DAPP1: variants seen among roughly 807,000 people sequenced by gnomAD.
The protein encoded by DAPP1 is dual adapter for phosphotyrosine and 3-phosphotyrosine and 3-phosphoinositide.
Under a neutral mutation model 41.5 loss-of-function variants are expected in DAPP1, and 20 were observed. The observed-to-expected ratio is 0.48, with a 90% CI of 0.34 to 0.70. The LOEUF is 0.70. Among genes scored for constraint, DAPP1 ranks in the 30% least tolerant of loss-of-function variants. The pLI is 0.01. For synonymous variants in DAPP1, 113 were observed against 116.2 expected, an observed-to-expected ratio of 0.97 and a Z score of 0.18; for missense variants, 233 against 333.4, an observed-to-expected ratio of 0.70 and a Z score of 2.35.
In DAPP1 at chr4:99,817,000, G is replaced by A. The variant is rs1296302497; in HGVS notation, c.87G>A (p.Leu29=). 6.2e-7 allele frequency: 1 copy of A among 1,601,280 alleles called. No individual in the cohort carries two copies. ...GCAGATCCGATGGAGAGGCTGAGCTGCTCCAGGACTTGGGGTAAGGCAGCA... is the reference window on the plus strand; with the variant it reads ...GCAGATCCGATGGAGAGGCTGAGCTACTCCAGGACTTGGGGTAAGGCAGCA... ...LWSRSDGEAE[L]LQDLGWYHGN... Residue 29 remains leucine (L), a synonymous_variant, in exon 1 of 9, where the codon CTG becomes CTA. Coordinates refer to ENST00000512369, the MANE Select transcript of DAPP1 (RefSeq NM_014395.3).
At chr4:99,843,221 G>A (rs1723553999) in intron 3 of DAPP1, among the ~76,000 whole-genome samples, 1 of 152,162 alleles carries the variant, frequency 6.6e-6, no homozygotes. Flanking sequence ...TTACCTTTGA[G>A]GGCAACAGAA....
At chr4:99,833,450 T>C (rs920245187) in intron 1 of DAPP1, among the ~76,000 whole-genome samples, 4 of 152,210 alleles carry the variant, frequency 2.6e-5, no homozygotes, top group African/African-American at 9.6e-5. Context: ...TGGAGACCTA[T>C]GTAAAAACTT....
At chr4:99,817,338 T>C (rs1347789438) in intron 1 of DAPP1, among the ~76,000 whole-genome samples, 2 of 152,168 alleles carry the variant, frequency 1.3e-5, no homozygotes, top group Non-Finnish European at 2.9e-5. Context: ...TTCCTTGATG[T>C]TGCTCTGGTT....
intron 3 of DAPP1, among the ~76,000 whole-genome samples, chr4:99,851,327 A>G (rs944254475): frequency 1.3e-5 from 2 of 152,120 alleles, no homozygotes; most frequent in Non-Finnish European, 2.9e-5. Context: ...CAATGCTGCA[A>G]TGCCAATGAG....
chr4:99,825,902 C>T (rs79309045), intron 1 of DAPP1, among the ~76,000 whole-genome samples: 1,749 of 152,318 alleles, frequency 0.011, 40 homozygotes, highest in African/African-American at 0.039. Flanking sequence ...ATATAAATTA[C>T]AGCACTGGTA....
intron 7 of DAPP1, among the ~76,000 whole-genome samples, chr4:99,864,720 G>C (rs1367204943): frequency 1.3e-5 from 2 of 152,094 alleles, no homozygotes; most frequent in African/African-American, 4.8e-5. Context: ...CTGTTCTCCT[G>C]GCCTTTTCTC....
intron 1 of DAPP1, among the ~76,000 whole-genome samples, chr4:99,822,305 G>C (rs1161332642): frequency 2.0e-5 from 3 of 152,146 alleles, no homozygotes; most frequent in Non-Finnish European, 1.5e-5. Flanking sequence ...ATGACGCCAG[G>C]CAAGGCAGCA....
rs1378826835 is a variant in DAPP1, at chr4:99,840,153, G to A, written c.225-136G>A. 4 of 526,598 alleles carry A rather than the reference G, an allele frequency of 7.6e-6. No individual in the cohort carries two copies. The Admixed American group carries it at 1.2e-4, about 16-fold the overall frequency. The allele number at this position is 526,598 out of a possible 1,614,324, so 32.6% of individuals were successfully genotyped here. A position where few individuals can be genotyped will look rare whatever the true frequency, so the allele number is the denominator to read the frequency against. On this transcript the variant is annotated intron_variant, in intron 2 of 8. Coordinates refer to ENST00000512369, the MANE Select transcript of DAPP1 (RefSeq NM_014395.3). ...GAAACTAGTGATGCTATTTAAAACT[G>A]TCAGTGGTTTCAATGATTGCCTAAT...
chr4:99,862,576 A>G (rs779637768), intron 5 of DAPP1, among the ~76,000 whole-genome samples: 1 of 152,126 alleles, frequency 6.6e-6, no homozygotes, highest in Admixed American at 6.5e-5. Context: ...TATATCGTCC[A>G]TATTAGGTAC....
chr4:99,856,010 G>A (rs1724032460), intron 4 of DAPP1, among the ~76,000 whole-genome samples: 2 of 152,104 alleles, frequency 1.3e-5, no homozygotes, highest in South Asian at 2.1e-4. Context: ...CTGCATTTGG[G>A]GAAATTGCTA....
chr4:99,836,755 A>C (rs1169163399), intron 2 of DAPP1, among the ~76,000 whole-genome samples: 2 of 152,214 alleles, frequency 1.3e-5, no homozygotes, highest in South Asian at 4.1e-4. Flanking sequence ...TCTATGCTAC[A>C]TAACAAATTA....
intron 4 of DAPP1, among the ~76,000 whole-genome samples, chr4:99,853,683 G>C (rs1723947328): frequency 6.6e-6 from 1 of 152,290 alleles, no homozygotes; most frequent in Admixed American, 6.5e-5. Context: ...GCTGGGCATG[G>C]TGGCATGCAC....
Position 99,865,952 on chromosome 4 carries a change from T to TTA in DAPP1, c.687-78_687-77dup, listed in dbSNP as rs1553942221. The TTA allele has an allele frequency of 5.1e-3, 320 of 62,730 alleles. 7 individuals carry two copies. The highest frequency in any genetic ancestry group is 0.025 in the African/African-American group (310 of 12,486). The allele number at this position is 62,730 out of a possible 1,614,324, so 3.9% of individuals were successfully genotyped here. A position where few individuals can be genotyped will look rare whatever the true frequency, so the allele number is the denominator to read the frequency against. Reference sequence around the variant, plus strand: ...TATATATAATATATTATATTATATATTATATTATATATATTATATATATAT... The same window carrying TTA: ...TATATATAATATATTATATTATATATTATATATTATATATATTATATATATAT... On this transcript the variant is annotated intron_variant, in intron 7 of 8. Transcript: ENST00000512369.
intron 5 of DAPP1, 51 bp from the exon 6 acceptor site, chr4:99,862,959 A>G: frequency 7.6e-7 from 1 of 1,317,674 alleles, no homozygotes; most frequent in East Asian, 2.6e-5. Flanking sequence ...ACATTCCTGT[A>G]TTCAAAACTT....
chr4:99,862,353 C>T (rs1196211936), intron 5 of DAPP1, among the ~76,000 whole-genome samples: 2 of 152,048 alleles, frequency 1.3e-5, no homozygotes. Flanking sequence ...ACATTGACAC[C>T]CAGGATAGAG....
At chr4:99,839,377 C>CTATAGATATATATAGATATA (rs1396651381) in intron 2 of DAPP1, among the ~76,000 whole-genome samples, 1 of 122,066 alleles carries the variant, frequency 8.2e-6, no homozygotes, top group African/African-American at 3.1e-5. Context: ...ATATAGATAT[C>CTATAGATATATATAGATATA]TATAGATATA....
intron 1 of DAPP1, among the ~76,000 whole-genome samples, chr4:99,817,784 T>C (rs1270582678): frequency 6.6e-6 from 1 of 152,252 alleles, no homozygotes; most frequent in Non-Finnish European, 1.5e-5. Flanking sequence ...AATATCCCAA[T>C]GAAGGTGGCT....
Position 99,863,049 on chromosome 4 carries a change from C to A in DAPP1, c.577C>A (p.Leu193Met). Reference protein sequence around the residue: ...TRWFTLHRNELKYFKDQMSPE... With the variant: ...TRWFTLHRNEMKYFKDQMSPE... ...ATGGTTTACTCTGCACAGGAATGAA[C>A]TGAAATACTTCAAAGACCAGATGGT... is the stretch of plus-strand genomic sequence containing the variant. Residue 193 changes from leucine (L) to methionine (M), a missense_variant, in exon 6 of 9, where the codon CTG becomes ATG. Physicochemically the swap from Leu to Met is conservative, Grantham distance 15. Coordinates refer to ENST00000512369, the MANE Select transcript of DAPP1 (RefSeq NM_014395.3). 1.3e-6 allele frequency: 2 copies of A among 1,588,166 alleles called. No individual in the cohort carries two copies. Among genetic ancestry groups the A allele is most frequent in the Non-Finnish European group, 1.7e-6 (2 of 1,170,976 alleles).
intron 2 of DAPP1, among the ~76,000 whole-genome samples, chr4:99,837,512 C>T (rs1354496474): frequency 6.6e-6 from 1 of 152,138 alleles, no homozygotes; most frequent in East Asian, 1.9e-4. Flanking sequence ...TTCTGAATAA[C>T]ATAGATGAAA....
Sources: gnomAD v4.1 joint callset for allele counts (sites outside exome capture counted in the v4.1 genomes callset) on GRCh38, gnomAD v4.1.1 for gene constraint, MANE v1.5 for transcripts, NCBI Gene and HGNC (gene_info 2026-07-23, HGNC 2026-07-21) for gene names.